The following EP400 variants were observed in gnomAD, a reference collection of about 807,000 sequenced individuals.
EP400 encodes E1A binding protein p400.
In EP400, 105 loss-of-function variants were observed where a neutral mutation model predicts 354.1. The ratio of observed to expected loss-of-function variants is 0.30; its 90% CI spans 0.25 to 0.35. The LOEUF is 0.35. Ranked by LOEUF, EP400 falls within the 10% of genes least tolerant of loss-of-function variation. EP400 has a pLI of 1.00. For missense variants in EP400, 3,280 were observed against 4,121.0 expected, an observed-to-expected ratio of 0.80 and a Z score of 5.59; for synonymous variants, 1,646 against 1,716.9, an observed-to-expected ratio of 0.96 and a Z score of 1.02.
At chr12:131,977,630 C>T (rs1443791943) in intron 2 of EP400, among the ~76,000 whole-genome samples, 2 of 152,054 alleles carry the variant, frequency 1.3e-5, no homozygotes, top group Non-Finnish European at 2.9e-5. Flanking sequence ...TAATGCTGCC[C>T]CAGAGGTAAC....
Position 132,062,566 on chromosome 12 carries a change from GCAGCAGCAGCAGCAGCAGCAGCAGCAA to G in EP400, c.8214_8240del (p.Gln2740_Gln2748del), listed in dbSNP as rs770809507. On this transcript the variant is annotated inframe_deletion, in exon 47 of 53. Coordinates refer to ENST00000389561, the MANE Select transcript of EP400 (RefSeq NM_015409.5). ...AGCAACAACAGCAGCAGCAGCAGCA[GCAGCAGCAGCAGCAGCAGCAGCAGCAA>G]CAGCAGCAGCAGCAACAGACGACGA... 1.1e-5 allele frequency: 18 copies of G among 1,606,882 alleles called. No homozygotes were observed. Among genetic ancestry groups the G allele is most frequent in the East Asian group, 2.2e-5 (1 of 44,692 alleles).
At chr12:131,989,733 T>C (rs540965147) in intron 7 of EP400, among the ~76,000 whole-genome samples, 34 of 152,298 alleles carry the variant, frequency 2.2e-4, no homozygotes, top group African/African-American at 7.0e-4. Context: ...AAATAATGTG[T>C]ATTTGGTGAA....
intron 10 of EP400, among the ~76,000 whole-genome samples, chr12:131,991,730 G>A (rs1217264874): frequency 6.6e-6 from 1 of 151,648 alleles, no homozygotes; most frequent in Non-Finnish European, 1.5e-5. Flanking sequence ...ATAGGCGCAC[G>A]CCACCACACC....
Position 132,045,359 on chromosome 12 carries a change from C to T in EP400, c.6825C>T (p.Val2275=), listed in dbSNP as rs759149500. ...AGAAGCAGCGTCACGGGGAGGCGGTCGTCCCTCCTCGGTCCCTGTTTGACC... is the reference window on the plus strand; with the variant it reads ...AGAAGCAGCGTCACGGGGAGGCGGTTGTCCCTCCTCGGTCCCTGTTTGACC... The part of the protein sequence containing the change: ...RKKKQRHGEA[V]VPPRSLFDRA... Residue 2275 remains valine, a synonymous_variant, in exon 38 of 53, where the codon GTC becomes GTT. Coordinates refer to ENST00000389561, the MANE Select transcript of EP400 (RefSeq NM_015409.5). 8.7e-6 allele frequency: 14 copies of T among 1,614,184 alleles called. No individual in the cohort carries two copies. In the East Asian group the frequency reaches 8.9e-5, roughly 10 times the overall value.
At chr12:132,074,484 A>G (rs1300250330) in intron 51 of EP400, among the ~76,000 whole-genome samples, 1 of 151,864 alleles carries the variant, frequency 6.6e-6, no homozygotes, top group Non-Finnish European at 1.5e-5. Flanking sequence ...TCTGCCTGTT[A>G]TCGAGACGTT....
At chr12:132,000,866 C>A (rs1350964331) in intron 12 of EP400, among the ~76,000 whole-genome samples, 1 of 152,190 alleles carries the variant, frequency 6.6e-6, no homozygotes, top group Non-Finnish European at 1.5e-5. Flanking sequence ...TTATCTCTTG[C>A]TCTGTATTCA....
chr12:132,071,727 C>T (rs1896073601), intron 51 of EP400, among the ~76,000 whole-genome samples: 1 of 152,154 alleles, frequency 6.6e-6, no homozygotes, highest in Non-Finnish European at 1.5e-5. Flanking sequence ...CTGCCCACGG[C>T]TCCTGGCCTG....
intron 16 of EP400, 47 bp from the exon 17 acceptor site, chr12:132,012,962 A>G (rs1893812732): frequency 6.7e-6 from 10 of 1,500,618 alleles, no homozygotes; most frequent in Non-Finnish European, 8.9e-6. Flanking sequence ...GTGATTTTGA[A>G]AGACAGTGGA....
chr12:131,960,332 C>T (rs1479264134), intron 1 of EP400, among the ~76,000 whole-genome samples: 2 of 152,176 alleles, frequency 1.3e-5, no homozygotes, highest in Non-Finnish European at 2.9e-5. Context: ...CTGTTGAGGT[C>T]AGCGATGATC....
intron 2 of EP400, among the ~76,000 whole-genome samples, chr12:131,976,886 CATCT>C (rs1442479134): frequency 2.6e-5 from 4 of 152,110 alleles, no homozygotes; most frequent in Non-Finnish European, 5.9e-5. Context: ...CCTCCTTTTC[CATCT>C]GTCTCTTGCT....
Position 131,963,525 on chromosome 12 carries a change from C to T in EP400, c.1335+1571C>T, listed in dbSNP as rs577307746. 3.2e-6 allele frequency: 5 copies of T among 1,585,986 alleles called. No homozygotes were observed. The South Asian group carries it at 4.5e-5, about 14-fold the overall frequency. On this transcript the variant is annotated intron_variant, in intron 2 of 52. Transcript: ENST00000389561. ...TTGCCTTTTTTTCTCAAAATATTTC[C>T]TCTCAGGTAAAGGTTGTGACAGGAA...
intron 32 of EP400, among the ~76,000 whole-genome samples, chr12:132,039,157 C>T (rs1274549781): frequency 6.6e-6 from 1 of 152,084 alleles, no homozygotes; most frequent in African/African-American, 2.4e-5. Context: ...GTCTCCTCTT[C>T]CATTTCTAAA....
At chr12:132,055,568 G>A (rs1895467707) in intron 45 of EP400, among the ~76,000 whole-genome samples, 1 of 140,190 alleles carries the variant, frequency 7.1e-6, no homozygotes. Context: ...GTGTAGGGGT[G>A]TGTGTGAGGT....
At chr12:132,069,386 A>G in intron 50 of EP400, 109 bp from the exon 51 acceptor site, 1 of 1,486,366 alleles carries the variant, frequency 6.7e-7, no homozygotes, top group Non-Finnish European at 9.1e-7. Context: ...TCTGGGAGGT[A>G]GGCTGGAAAG....
At position 132,006,769 on chromosome 12, in the gene EP400, C is replaced by A; in HGVS notation, c.3196C>A (p.Leu1066Met). The change falls in exon 15 of 53, where the codon CTG becomes ATG. Residue 1066 changes from leucine (L) to methionine (M), a missense_variant. By Grantham distance (15) the Leu-to-Met change is conservative. Around this residue, in one of 20 missense-constraint regions of EP400, gnomAD observed 242 missense variants for 357.9 expected, o/e 0.68. Coordinates refer to ENST00000389561, the MANE Select transcript of EP400 (RefSeq NM_015409.5). ...TTATCAGAAGATTGGCCTGGACTGGCTGGCCAAACTTTACAGGAAGAATCT... is the reference window on the plus strand; with the variant it reads ...TTATCAGAAGATTGGCCTGGACTGGATGGCCAAACTTTACAGGAAGAATCT... ...RDYQKIGLDW[L>M]AKLYRKNLNG... 1.9e-6 allele frequency: 3 copies of A among 1,614,072 alleles called. No individual in the cohort carries two copies. The highest frequency in any genetic ancestry group is 2.5e-6 in the Non-Finnish European group (3 of 1,180,006).
At chr12:131,998,004 T>C (rs926643983) in intron 12 of EP400, among the ~76,000 whole-genome samples, 5 of 152,366 alleles carry the variant, frequency 3.3e-5, no homozygotes, top group African/African-American at 1.2e-4. Context: ...TTTCCTTTTT[T>C]TCCCCAAAAT....
intron 41 of EP400, among the ~76,000 whole-genome samples, chr12:132,051,547 C>G (rs199584453): frequency 6.6e-6 from 1 of 152,152 alleles, no homozygotes; most frequent in African/African-American, 2.4e-5. Flanking sequence ...GCCTGGCAGC[C>G]GAGGTAGAGA....
chr12:132,025,629 T>C lies in EP400; in HGVS notation c.4856-17T>C. ...ACACATGCCTGTCATTGACACCTAG[T>C]GGACCTATGATTGCAGGCAGCGTCC... On this transcript the variant is annotated splice_polypyrimidine_tract_variant and intron_variant, in intron 24 of 52. Coordinates refer to ENST00000389561, the MANE Select transcript of EP400 (RefSeq NM_015409.5). The surrounding 1 kb of genome is among the most constrained non-coding windows in gnomAD (Gnocchi z 4.1). 2 of 1,584,302 alleles carry C rather than the reference T, an allele frequency of 1.3e-6. No homozygotes were observed. Among genetic ancestry groups the C allele is most frequent in the Non-Finnish European group, 8.6e-7 (1 of 1,165,034 alleles).
At chr12:131,998,503 T>G (rs1275960179) in intron 12 of EP400, among the ~76,000 whole-genome samples, 1 of 152,082 alleles carries the variant, frequency 6.6e-6, no homozygotes, top group Non-Finnish European at 1.5e-5. Flanking sequence ...TTCTAGGTAC[T>G]ATATATTTTT....
Sources: allele counts gnomAD v4.1 joint callset (sites outside exome capture counted in the v4.1 genomes callset), GRCh38; gene constraint gnomAD v4.1.1; regional missense constraint gnomAD v4.1.1; non-coding constraint Gnocchi (gnomAD v3.1); transcripts MANE v1.5; gene names NCBI Gene and HGNC (gene_info 2026-07-23, HGNC 2026-07-21).